LTBP1: variants seen among roughly 807,000 people sequenced by gnomAD.
The protein encoded by LTBP1 is latent-transforming growth factor beta-binding protein 1.
In LTBP1, 129 loss-of-function variants were observed where a neutral mutation model predicts 207.6. The observed-to-expected ratio is 0.62, with a 90% CI of 0.54 to 0.72. The LOEUF (loss-of-function observed/expected upper bound fraction) is 0.72, where lower values mean the gene tolerates loss of function less well. LTBP1 is among the 30% of genes least tolerant of loss of function. The probability of loss-of-function intolerance (pLI) is 0.00; values close to 1 mark genes in which losing one functional copy is unlikely to be tolerated. For missense variants in LTBP1, 2,281 were observed against 2,217.2 expected (o/e 1.03, Z -0.58); for synonymous variants, 963 against 833.7 (o/e 1.16, Z -2.67).
chr2:32,987,580 T>C (rs1683786134), intron 2 of LTBP1, among the ~76,000 whole-genome samples: 1 of 152,194 alleles, frequency 6.6e-6, no homozygotes, highest in Non-Finnish European at 1.5e-5. Flanking sequence ...TACCCAAAAC[T>C]TAGCTTCAGT....
intron 4 of LTBP1, among the ~76,000 whole-genome samples, chr2:33,121,159 C>CTTTTTTTTTT (rs61065486): frequency 2.6e-3 from 225 of 87,548 alleles, no homozygotes; most frequent in African/African-American, 5.7e-3. Flanking sequence ...TTTGTAAAGT[C>CTTTTTTTTTT]TTTTTTTTTT....
At chr2:33,135,030 C>T in intron 5 of LTBP1, 70 bp downstream of exon 5, 4 of 1,443,578 alleles carry the variant, frequency 2.8e-6, no homozygotes, top group Non-Finnish European at 3.7e-6. Flanking sequence ...ATTTAGACAC[C>T]CCCTCCATTC....
intron 7 of LTBP1, among the ~76,000 whole-genome samples, chr2:33,211,778 T>A (rs1410951753): frequency 2.6e-5 from 4 of 152,226 alleles, no homozygotes; most frequent in Non-Finnish European, 4.4e-5. Flanking sequence ...AAATCATCAT[T>A]CAGCCTCTGA....
chr2:33,363,042 G>C (rs1285399561), intron 28 of LTBP1, among the ~76,000 whole-genome samples: 1 of 152,148 alleles, frequency 6.6e-6, no homozygotes, highest in East Asian at 1.9e-4. Flanking sequence ...ATACATTACA[G>C]AACACATTTC....
intron 16 of LTBP1, among the ~76,000 whole-genome samples, chr2:33,274,644 A>G (rs2148398648): frequency 6.6e-6 from 1 of 152,292 alleles, no homozygotes; most frequent in East Asian, 1.9e-4. Context: ...CTGACTCCCT[A>G]CTGACAGCAA....
At chr2:33,112,373 A>G (rs1216648842) in intron 4 of LTBP1, among the ~76,000 whole-genome samples, 1 of 152,224 alleles carries the variant, frequency 6.6e-6, no homozygotes, top group Non-Finnish European at 1.5e-5. Context: ...ATATCTTAGA[A>G]GAATGTGAAG....
chr2:33,342,535 C>T (rs1398296122), intron 24 of LTBP1, among the ~76,000 whole-genome samples: 1 of 152,174 alleles, frequency 6.6e-6, no homozygotes, highest in Non-Finnish European at 1.5e-5. Context: ...AATAAAGAGT[C>T]GAGAACGTTT....
At chr2:33,061,728 G>A (rs2077279785) in intron 3 of LTBP1, among the ~76,000 whole-genome samples, 1 of 152,138 alleles carries the variant, frequency 6.6e-6, no homozygotes, top group Non-Finnish European at 1.5e-5. Flanking sequence ...CACCTGGGTT[G>A]TTTCTAGTTT....
chr2:33,378,215 GTGTGTGTTT>G (rs2095167872), intron 31 of LTBP1, among the ~76,000 whole-genome samples: 1 of 139,216 alleles, frequency 7.2e-6, no homozygotes, highest in Non-Finnish European at 1.6e-5. Context: ...GTGTGTGTGT[GTGTGTGTTT>G]TGTTTGTTTG....
chr2:33,186,853 T>C lies in LTBP1; in HGVS notation c.1202-3T>C. On this transcript the variant is annotated splice_region_variant and splice_polypyrimidine_tract_variant and intron_variant, in intron 5 of 33. Transcript: ENST00000404816. The stretch of plus-strand genomic sequence containing the variant: ...TCTCCATGTTTTCTCTTTTCCCTTT[T>C]AGTAATTTGCCATCTTCCATGTATG... The C allele has an allele frequency of 6.2e-7, 1 of 1,611,278 alleles. No homozygotes were observed.
chr2:32,976,858 C>A (rs1681868448), intron 2 of LTBP1, among the ~76,000 whole-genome samples: 1 of 152,174 alleles, frequency 6.6e-6, no homozygotes, highest in East Asian at 1.9e-4. Flanking sequence ...AGCAAACAAG[C>A]AAGCTCTCCT....
intron 23 of LTBP1, among the ~76,000 whole-genome samples, chr2:33,309,933 C>A (rs1379350394): frequency 6.7e-6 from 1 of 149,394 alleles, no homozygotes; most frequent in East Asian, 2.0e-4. Context: ...CTATTTTTAT[C>A]CAGTGCCCGC....
intron 31 of LTBP1, among the ~76,000 whole-genome samples, chr2:33,378,224 T>G (rs900670217): frequency 7.5e-4 from 110 of 146,484 alleles, no homozygotes; most frequent in African/African-American, 2.3e-3. Flanking sequence ...TGTGTGTGTT[T>G]TGTTTGTTTG....
At chr2:33,334,911 AT>A (rs200984015) in intron 24 of LTBP1, among the ~76,000 whole-genome samples, 1 of 142,470 alleles carries the variant, frequency 7.0e-6, no homozygotes, top group African/African-American at 3.0e-5. Context: ...TCTACTAAAA[AT>A]TAAAAAAAAA....
chr2:33,394,846 T>A (rs1003716021), intron 32 of LTBP1, among the ~76,000 whole-genome samples: 5 of 152,182 alleles, frequency 3.3e-5, no homozygotes, highest in Non-Finnish European at 7.3e-5. Flanking sequence ...GTGAAGAAAG[T>A]CATTGCTGTT....
At chr2:33,035,475 C>G (rs2075877207) in intron 3 of LTBP1, among the ~76,000 whole-genome samples, 1 of 152,142 alleles carries the variant, frequency 6.6e-6, no homozygotes, top group African/African-American at 2.4e-5. Flanking sequence ...GAAAAGAGAG[C>G]AAGCTTGAAA....
intron 31 of LTBP1, among the ~76,000 whole-genome samples, chr2:33,388,425 C>T (rs1476540264): frequency 6.6e-6 from 1 of 152,238 alleles, no homozygotes; most frequent in Non-Finnish European, 1.5e-5. Flanking sequence ...AAATCAGGTT[C>T]TGCCACATGG....
Position 33,273,313 on chromosome 2 carries a change from A to G in LTBP1, c.2618-343A>G, listed in dbSNP as rs528260521. Among the ~76,000 whole-genome samples, 7 of 152,316 alleles carry G rather than the reference A, an allele frequency of 4.6e-5. No homozygotes were observed. The East Asian group carries it at 1.2e-3, about 25-fold the overall frequency. The stretch of plus-strand genomic sequence containing the variant: ...ACTCTATCATCTAAGATGAACTACA[A>G]TGAATAGAAACTCATTAATAGGCCA... On this transcript the variant is annotated intron_variant, in intron 15 of 33. Transcript: ENST00000404816.
chr2:33,280,282 A>G (rs2093533874), intron 19 of LTBP1, 124 bp downstream of exon 19: 1 of 1,004,054 alleles, frequency 1.0e-6, no homozygotes, highest in Non-Finnish European at 1.4e-6. Context: ...CATCATTCTA[A>G]GAAAAGTTCC....
Sources: allele counts gnomAD v4.1 joint callset (sites outside exome capture counted in the v4.1 genomes callset), GRCh38; gene constraint gnomAD v4.1.1; transcripts MANE v1.5; gene names NCBI Gene and HGNC (gene_info 2026-07-23, HGNC 2026-07-21).